The following UBE2QL1 variants were observed in gnomAD, a reference collection of about 807,000 sequenced individuals.
UBE2QL1 encodes the protein ubiquitin-conjugating enzyme E2Q-like protein 1.
A neutral mutation model predicts 12.6 loss-of-function variants in UBE2QL1; 5 were observed. The ratio of observed to expected loss-of-function variants is 0.40; its 90% CI spans 0.21 to 0.83. UBE2QL1 has a LOEUF of 0.83. Ranked by LOEUF, UBE2QL1 falls within the 40% of genes least tolerant of loss-of-function variation. The probability of loss-of-function intolerance (pLI) is 0.37; values close to 1 mark genes in which losing one functional copy is unlikely to be tolerated. For missense variants in UBE2QL1, 99 were observed against 222.6 expected, an observed-to-expected ratio of 0.44 and a Z score of 3.53; for synonymous variants, 96 against 94.5, an observed-to-expected ratio of 1.02 and a Z score of -0.10.
chr5:6,471,614 C>T (rs560758680), intron 1 of UBE2QL1, among the ~76,000 whole-genome samples: 3 of 152,312 alleles, frequency 2.0e-5, no homozygotes, highest in Non-Finnish European at 4.4e-5. Flanking sequence ...GTGGCTTACT[C>T]TCAGAAGTGA....
chr5:6,466,288 A>G (rs552108774), intron 1 of UBE2QL1, among the ~76,000 whole-genome samples: 6 of 152,318 alleles, frequency 3.9e-5, no homozygotes, highest in Admixed American at 3.9e-4. Flanking sequence ...GCACTCAGGA[A>G]GTGTGAGCTG....
At chr5:6,480,418 C>T (rs1734335628) in intron 1 of UBE2QL1, among the ~76,000 whole-genome samples, 1 of 152,250 alleles carries the variant, frequency 6.6e-6, no homozygotes. Flanking sequence ...ACAGTCGACA[C>T]AGCCACCACG....
chr5:6,462,082 A>G (rs1739681128), intron 1 of UBE2QL1, among the ~76,000 whole-genome samples: 1 of 151,960 alleles, frequency 6.6e-6, no homozygotes, highest in Non-Finnish European at 1.5e-5. Flanking sequence ...TTTAACCTCT[A>G]CAGGCCTTTC....
At chr5:6,449,347 C>A in intron 1 of UBE2QL1, 100 bp downstream of exon 1, 1 of 1,145,426 alleles carries the variant, frequency 8.7e-7, no homozygotes, top group African/African-American at 1.6e-5. Context: ...GCCGGCCCCT[C>A]CGGCCATCTC....
chr5:6,453,499 T>C (rs1739448573), intron 1 of UBE2QL1, among the ~76,000 whole-genome samples: 1 of 152,224 alleles, frequency 6.6e-6, no homozygotes, highest in Non-Finnish European at 1.5e-5. Context: ...GAATTTAAAA[T>C]TGGAAAGCAA....
At chr5:6,450,574 G>A (rs1196156084) in intron 1 of UBE2QL1, among the ~76,000 whole-genome samples, 6 of 152,162 alleles carry the variant, frequency 3.9e-5, no homozygotes, top group Non-Finnish European at 8.8e-5. Context: ...TCTACAGGCG[G>A]CCTATCAGAA....
intron 1 of UBE2QL1, among the ~76,000 whole-genome samples, chr5:6,454,417 C>T (rs185034208): frequency 6.1e-4 from 93 of 152,260 alleles, no homozygotes; most frequent in Non-Finnish European, 1.6e-4. Flanking sequence ...AGGGCCCATC[C>T]TCCTGACCTG....
rs534899803 is a variant in UBE2QL1, at chr5:6,490,389, C to T, written c.355-829C>T. Among the ~76,000 whole-genome samples the T allele has an allele frequency of 1.5e-3, 223 of 152,328 alleles. 1 individual carries two copies. The highest frequency in any genetic ancestry group is 4.9e-3 in the African/African-American group (204 of 41,578). ...TTTCTTCTTCTGCATAGTCCAGAGC[C>T]GTCTTGTGCCGTCATAAGATGGGTC... is the stretch of plus-strand genomic sequence containing the variant. On this transcript the variant is annotated intron_variant, in intron 1 of 1. Transcript: ENST00000399816.
At chr5:6,452,644 A>T (rs1227672803) in intron 1 of UBE2QL1, among the ~76,000 whole-genome samples, 1 of 152,230 alleles carries the variant, frequency 6.6e-6, no homozygotes, top group African/African-American at 2.4e-5. Flanking sequence ...TTGAAATGAA[A>T]GTAGCCTGTA....
chr5:6,463,947 A>C (rs527684345), intron 1 of UBE2QL1, among the ~76,000 whole-genome samples: 6 of 150,018 alleles, frequency 4.0e-5, no homozygotes, highest in African/African-American at 1.2e-4. Context: ...TTTTGCACCA[A>C]ATTTTTGTTT....
rs1339281845 is a variant in UBE2QL1 at position 6,478,896 on chromosome 5, C to G, written c.355-12322C>G. On this transcript the variant is annotated intron_variant, in intron 1 of 1. Coordinates refer to ENST00000399816, the MANE Select transcript of UBE2QL1 (RefSeq NM_001145161.3). This position sits in a 1 kb window ranked among gnomAD's most constrained non-coding sequence, Gnocchi z 4.5. ...GGAGACATGGAGAGTGGGTGCCCAT[C>G]GGTGCATCTGATCTCCCTGGCACCC... Among the ~76,000 whole-genome samples the G allele has an allele frequency of 2.6e-5, 4 of 152,242 alleles. No homozygotes were observed. The highest frequency in any genetic ancestry group is 9.6e-5 in the African/African-American group (4 of 41,548).
chr5:6,487,241 A>G (rs1420836135), intron 1 of UBE2QL1, among the ~76,000 whole-genome samples: 1 of 152,240 alleles, frequency 6.6e-6, no homozygotes, highest in Admixed American at 6.5e-5. Flanking sequence ...AAATGTTTTC[A>G]TGCTGCATCA....
At chr5:6,484,732 C>G (rs900628777) in intron 1 of UBE2QL1, among the ~76,000 whole-genome samples, 3 of 151,846 alleles carry the variant, frequency 2.0e-5, no homozygotes, top group Non-Finnish European at 2.9e-5. Flanking sequence ...ACAGCATGTT[C>G]CCACCCTGTC....
chr5:6,474,412 C>G lies in UBE2QL1; in HGVS notation c.355-16806C>G, dbSNP rs571754044. Among the ~76,000 whole-genome samples, 6 of 152,356 alleles carry G rather than the reference C, an allele frequency of 3.9e-5. No homozygotes were observed. The South Asian group carries it at 1.2e-3, about 32-fold the overall frequency. ...GGTGCTGATATTTCTTGCCAATGCT[C>G]AGACATCACAGGGCTCCAACTCCAG... On this transcript the variant is annotated intron_variant, in intron 1 of 1. Transcript: ENST00000399816.
At chr5:6,449,867 A>AG (rs1482739693) in intron 1 of UBE2QL1, among the ~76,000 whole-genome samples, 1 of 67,204 alleles carries the variant, frequency 1.5e-5, no homozygotes, top group Non-Finnish European at 3.3e-5. Flanking sequence ...CCACCTCCCC[A>AG]ACCCCCCCCA....
At chr5:6,482,529 C>T (rs1393795156) in intron 1 of UBE2QL1, among the ~76,000 whole-genome samples, 1 of 151,332 alleles carries the variant, frequency 6.6e-6, no homozygotes, top group East Asian at 1.9e-4. Context: ...TGGAAGTTTC[C>T]TCCACTCGTC....
In UBE2QL1 at chr5:6,478,449, G is replaced by A. The variant is rs184885874; in HGVS notation, c.355-12769G>A. 2.8e-4 allele frequency among the ~76,000 whole-genome samples: 42 copies of A among 152,318 alleles called. No homozygotes were observed. The highest frequency in any genetic ancestry group is 8.2e-4 in the African/African-American group (34 of 41,576). Reference sequence around the variant, plus strand: ...CCTGGGTTGTCTGTGAAAATCACGCGTTCCTTCTTGATGCAATATTTCTAG... The same window carrying A: ...CCTGGGTTGTCTGTGAAAATCACGCATTCCTTCTTGATGCAATATTTCTAG... On this transcript the variant is annotated intron_variant, in intron 1 of 1. Transcript: ENST00000399816. The surrounding 1 kb of genome is among the most constrained non-coding windows in gnomAD (Gnocchi z 4.5).
chr5:6,477,873 C>A (rs766659643), intron 1 of UBE2QL1, among the ~76,000 whole-genome samples: 4 of 152,232 alleles, frequency 2.6e-5, no homozygotes, highest in Non-Finnish European at 5.9e-5. Flanking sequence ...GTTGCAGCTT[C>A]ACTCAGTGCC....
rs1408044247 is a variant in UBE2QL1, at chr5:6,495,210, T to G, written c.*3861T>G. 6.6e-6 allele frequency among the ~76,000 whole-genome samples: 1 copy of G among 152,164 alleles called. No individual in the cohort carries two copies. Among genetic ancestry groups the G allele is most frequent in the African/African-American group, 2.4e-5 (1 of 41,444 alleles). ...CTCTCACCTGCAGAGTCCCTATTCA[T>G]GGAGCTGATTTCAGGAAGCAGGACA... On this transcript the variant is annotated 3_prime_UTR_variant, in exon 2 of 2. Transcript: ENST00000399816.
Sources: allele counts gnomAD v4.1 joint callset (sites outside exome capture counted in the v4.1 genomes callset), GRCh38; gene constraint gnomAD v4.1.1; non-coding constraint Gnocchi (gnomAD v3.1); transcripts MANE v1.5; gene names NCBI Gene and HGNC (gene_info 2026-07-23, HGNC 2026-07-21).